The following ARMCX4 variants were observed in gnomAD, a reference collection of about 807,000 sequenced individuals.
The protein encoded by ARMCX4 is armadillo repeat-containing X-linked protein 4.
A neutral mutation model predicts 34.7 loss-of-function variants in ARMCX4; 3 were observed. The observed-to-expected ratio is 0.09, with a 90% confidence interval of 0.04 to 0.22. The LOEUF is 0.22. Among genes scored for constraint, ARMCX4 ranks in the 10% least tolerant of loss-of-function variants. The probability of loss-of-function intolerance (pLI) is 1.00; values close to 1 mark genes in which losing one functional copy is unlikely to be tolerated. For synonymous variants in ARMCX4, 513 were observed against 632.8 expected, an observed-to-expected ratio of 0.81 and a Z score of 2.84; for missense variants, 1,448 against 1,720.8, an observed-to-expected ratio of 0.84 and a Z score of 2.81.
chrX:101,532,095 A>G (rs1400505381), intron 12 of ARMCX4: 2 of 111,958 alleles, frequency 1.8e-5, no homozygotes, highest in Non-Finnish European at 3.8e-5. Flanking sequence ...ACACAAAAAT[A>G]AATAACTTAC....
rs1556008569 is a variant in ARMCX4, at chrX:101,490,702, A to G, written c.2113A>G (p.Thr705Ala). The G allele has an allele frequency of 1.7e-6, 2 of 1,154,156 alleles. No individual in the cohort carries two copies. The highest frequency in any genetic ancestry group is 2.3e-6 in the Non-Finnish European group (2 of 872,256). ...VSKAGAGTDTTGSVQPQIVAN... is the reference protein window; with the variant it reads ...VSKAGAGTDTAGSVQPQIVAN... ...TAAGGCAGGGGCTGGGACAGATACA[A>G]CAGGCTCTGTCCAGCCCCAGATTGT... Residue 705 changes from threonine (T) to alanine (A), a missense_variant, in exon 6 of 6, where the codon ACA (threonine) becomes GCA (alanine). Transcript: ENST00000423738.
chrX:101,520,656 T>C (rs1934832088), intron 11 of ARMCX4, among the ~76,000 whole-genome samples: 1 of 111,350 alleles, frequency 9.0e-6, no homozygotes. Flanking sequence ...TGTGCAAGTA[T>C]TGTGTTGAGA....
At chrX:101,479,561 A>G (rs1933351647) in intron 4 of ARMCX4, among the ~76,000 whole-genome samples, 1 of 108,393 alleles carries the variant, frequency 9.2e-6, no homozygotes, top group Non-Finnish European at 1.9e-5. Context: ...GCTCACTGCA[A>G]CTTCCACCTC....
rs1556011445 is a variant in ARMCX4 at position 101,494,946 on chromosome X, G to A, written c.6357G>A (p.Lys2119=). ...NISVAAENHR[K]VKTYLNQVCE... ...CAGTGGCTGCTGAAAACCATAGGAA[G>A]GTTAAAACTTACTTAAACCAAGTAT... Residue 2119 remains lysine (K), a synonymous_variant, in exon 6 of 6, where the codon AAG becomes AAA. Transcript: ENST00000423738. 1.7e-6 allele frequency: 2 copies of A among 1,155,006 alleles called. No individual in the cohort carries two copies. The highest frequency in any genetic ancestry group is 2.3e-6 in the Non-Finnish European group (2 of 872,200).
At chrX:101,527,112 C>A (rs1258134192) in intron 11 of ARMCX4, among the ~76,000 whole-genome samples, 1 of 112,076 alleles carries the variant, frequency 8.9e-6, no homozygotes, top group Admixed American at 9.5e-5. Context: ...TGTAAAAGAA[C>A]AGAAATCATA....
At chrX:101,463,423 C>A (rs1272436671) in intron 4 of ARMCX4, among the ~76,000 whole-genome samples, 1 of 112,114 alleles carries the variant, frequency 8.9e-6, no homozygotes, top group Non-Finnish European at 1.9e-5. Context: ...TCAAGGGACT[C>A]TTGTCTTTTT....
At chrX:101,481,048 A>C (rs1315132992), upstream of ARMCX4, among the ~76,000 whole-genome samples, 3 of 111,497 alleles carry the variant, frequency 2.7e-5, no homozygotes, top group East Asian at 8.5e-4. Flanking sequence ...ACCTGAGCTC[A>C]GGAAGGTCGA....
chrX:101,497,291 C>T (rs1215236011), downstream of ARMCX4, among the ~76,000 whole-genome samples: 3 of 109,765 alleles, frequency 2.7e-5, no homozygotes, highest in Non-Finnish European at 5.7e-5. Context: ...GGCTGGAGTA[C>T]AATGGCACGG....
intron 11 of ARMCX4, among the ~76,000 whole-genome samples, chrX:101,511,965 A>AT (rs1293405243): frequency 9.0e-6 from 1 of 110,632 alleles, no homozygotes; most frequent in Non-Finnish European, 1.9e-5. Context: ...AGCTGCACTC[A>AT]TAAGTTCAGA....
At position 101,527,762 on chromosome X, in the gene ARMCX4, C is replaced by A. The variant is rs782615598; in HGVS notation, c.*1781-3882C>A. 1.4e-4 allele frequency among the ~76,000 whole-genome samples: 16 copies of A among 111,494 alleles called. 3 individuals are homozygous for A. The highest frequency in any genetic ancestry group is 1.4e-3 in the East Asian group (5 of 3,545). On this transcript the variant is annotated intron_variant and NMD_transcript_variant, in intron 11 of 12. Transcript: ENST00000354842. ...TGGATAAATTCCTCGACACATACAC[C>A]CTTCCAAGACTAAACCAGGAAGAAG...
intron 2 of ARMCX4, among the ~76,000 whole-genome samples, chrX:101,436,809 G>A (rs1930813979): frequency 1.8e-5 from 2 of 111,476 alleles, no homozygotes; most frequent in Non-Finnish European, 3.8e-5. Context: ...ATTATTTTGA[G>A]ATACGTCCCA....
At chrX:101,476,672 C>T (rs1178759495) in intron 4 of ARMCX4, among the ~76,000 whole-genome samples, 1 of 110,381 alleles carries the variant, frequency 9.1e-6, no homozygotes, top group Non-Finnish European at 1.9e-5. Context: ...GGAAATAAAC[C>T]CACCAGATGT....
intron 4 of ARMCX4, 169 bp from the exon 5 acceptor site, chrX:101,487,875 A>G (rs900433948): frequency 3.5e-6 from 1 of 282,255 alleles, no homozygotes; most frequent in East Asian, 1.0e-4. Flanking sequence ...TACAGGGAAA[A>G]GAGTGTGACA....
downstream of ARMCX4, among the ~76,000 whole-genome samples, chrX:101,447,014 A>G (rs1555998203): frequency 9.0e-6 from 1 of 111,319 alleles, no homozygotes; most frequent in African/African-American, 3.3e-5. Context: ...TAAAGGATCC[A>G]CTTCCAAGAC....
At chrX:101,502,583 G>A (rs1934325024) in intron 7 of ARMCX4, among the ~76,000 whole-genome samples, 1 of 110,699 alleles carries the variant, frequency 9.0e-6, no homozygotes, top group Non-Finnish European at 1.9e-5. Context: ...AGCAGGACTG[G>A]AGGGCATAAG....
intron 4 of ARMCX4, among the ~76,000 whole-genome samples, chrX:101,462,545 C>A (rs1932661660): frequency 9.5e-6 from 1 of 104,911 alleles, no homozygotes; most frequent in African/African-American, 3.5e-5. Context: ...GAGGCTGAGG[C>A]AGGAGAATCA....
rs782545978 is a variant in ARMCX4, at chrX:101,490,160, C to G, written c.1571C>G (p.Thr524Ser). 5.6e-5 allele frequency: 65 copies of G among 1,153,417 alleles called. No individual in the cohort carries two copies. The highest frequency in any genetic ancestry group is 5.1e-4 in the South Asian group (27 of 52,523). The part of the protein sequence containing the change: ...AQSQGEALPN[T>S]RGKARGKAKA... The stretch of plus-strand genomic sequence containing the variant: ...AGCCAGGGTGAAGCCTTACCTAATA[C>G]TAGAGGTAAGGCTAGGGGCAAAGCC... Residue 524 changes from threonine (T) to serine (S), a missense_variant, in exon 6 of 6, where the codon ACT becomes AGT. Coordinates refer to ENST00000423738, the MANE Select transcript of ARMCX4 (RefSeq NM_001256155.3).
intron 2 of ARMCX4, among the ~76,000 whole-genome samples, chrX:101,419,927 C>G (rs1390301979): frequency 8.9e-6 from 1 of 112,109 alleles, no homozygotes; most frequent in African/African-American, 3.2e-5. Flanking sequence ...CTCTTTTCCT[C>G]TATTATAATA....
At position 101,494,542 on chromosome X, in the gene ARMCX4, G is replaced by A; in HGVS notation, c.5953G>A (p.Ala1985Thr). The A allele has an allele frequency of 1.7e-6, 2 of 1,155,831 alleles. No individual in the cohort carries two copies. The highest frequency in any genetic ancestry group is 2.3e-6 in the Non-Finnish European group (2 of 872,877). ...CATATATCCGTACATGGTCCCTGGG[G>A]CAGGAATGGGGTCATGGGATGGAGC... is the stretch of plus-strand genomic sequence containing the variant. ...RGIYPYMVPG[A>T]GMGSWDGAMI... The change falls in exon 6 of 6, where the codon GCA becomes ACA. Residue 1985 changes from alanine to threonine, a missense_variant. Coordinates refer to ENST00000423738, the MANE Select transcript of ARMCX4 (RefSeq NM_001256155.3).
Sources: gnomAD v4.1 joint callset for allele counts (sites outside exome capture counted in the v4.1 genomes callset) on GRCh38, gnomAD v4.1.1 for gene constraint, MANE v1.5 for transcripts, NCBI Gene and HGNC (gene_info 2026-07-23, HGNC 2026-07-21) for gene names.